Variants in REV3L observed in about 807,000 individuals in gnomAD.
REV3L encodes the protein REV3 like, DNA directed polymerase zeta catalytic subunit.
A neutral mutation model predicts 299.4 loss-of-function variants in REV3L; 69 were observed. The ratio of observed to expected loss-of-function variants is 0.23; its 90% confidence interval spans 0.19 to 0.28. The LOEUF (loss-of-function observed/expected upper bound fraction) is 0.28, where lower values mean the gene tolerates loss of function less well. Among genes scored for constraint, REV3L ranks in the 10% least tolerant of loss-of-function variants. The pLI is 1.00. For missense variants in REV3L, 3,128 were observed against 3,693.8 expected (o/e 0.85, Z 3.97); for synonymous variants, 1,238 against 1,271.4 (o/e 0.97, Z 0.56).
rs1445910665 is a variant in REV3L at position 111,482,933 on chromosome 6, G to A, written c.-45C>T. 7.4e-6 allele frequency: 11 copies of A among 1,482,884 alleles called. No individual in the cohort carries two copies. The highest frequency in any genetic ancestry group is 8.9e-7 in the Non-Finnish European group (1 of 1,126,810). 91.9% of individuals were successfully genotyped at this position (1,482,884 alleles called of 1,614,324 possible). A position where few individuals can be genotyped will look rare whatever the true frequency, so the allele number is the denominator to read the frequency against. Reference sequence around the variant, plus strand: ...GCCTCCCTTCACTGGCGACCCGGCAGCGGCAGCAGCAGCGGCGGCGGCTCC... The same window carrying A: ...GCCTCCCTTCACTGGCGACCCGGCAACGGCAGCAGCAGCGGCGGCGGCTCC... On this transcript the variant is annotated 5_prime_UTR_variant, in exon 1 of 32. Transcript: ENST00000368802.
intron 31 of REV3L, among the ~76,000 whole-genome samples, chr6:111,305,192 C>A (rs966057328): frequency 1.3e-5 from 2 of 152,044 alleles, no homozygotes; most frequent in Non-Finnish European, 2.9e-5. Flanking sequence ...CCGCCCGCCT[C>A]GGCCTCCGAA....
chr6:111,468,263 T>TAATCACATTTA (rs1249380353), intron 1 of REV3L, among the ~76,000 whole-genome samples: 12 of 152,300 alleles, frequency 7.9e-5, no homozygotes, highest in African/African-American at 2.6e-4. Context: ...CATCTAAATG[T>TAATCACATTTA]GATTTAAAAG....
chr6:111,360,468 A>ATTTTT (rs1362929978), intron 16 of REV3L, among the ~76,000 whole-genome samples: 2 of 133,452 alleles, frequency 1.5e-5, no homozygotes. Context: ...TTGTTAAATA[A>ATTTTT]TCTTTTTTTT....
intron 25 of REV3L, among the ~76,000 whole-genome samples, chr6:111,328,121 C>T (rs1388660303): frequency 1.3e-5 from 2 of 152,122 alleles, no homozygotes; most frequent in Non-Finnish European, 2.9e-5. Flanking sequence ...AACACCTTAA[C>T]TTAGTAAATA....
At chr6:111,358,590 T>G (rs1778333994) in intron 17 of REV3L, among the ~76,000 whole-genome samples, 1 of 152,118 alleles carries the variant, frequency 6.6e-6, no homozygotes. Context: ...GCCTCCCAGG[T>G]AGCTGGGACT....
chr6:111,420,348 A>T (rs1409327579), intron 1 of REV3L, among the ~76,000 whole-genome samples: 1 of 152,196 alleles, frequency 6.6e-6, no homozygotes, highest in Admixed American at 6.5e-5. Context: ...ATCACTTCAC[A>T]TACTTATTAT....
intron 1 of REV3L, among the ~76,000 whole-genome samples, chr6:111,464,788 G>A (rs1791226106): frequency 6.6e-6 from 1 of 152,134 alleles, no homozygotes; most frequent in Admixed American, 6.5e-5. Flanking sequence ...GACTTCCTGA[G>A]CTCAGGAGTT....
chr6:111,307,408 T>G lies in REV3L; in HGVS notation c.9205A>C (p.Asn3069His), dbSNP rs765276756. ...CGTTCCAACTCCCGGATTTCTTGGTTGAGGATGACTGCAACATGCTGAGGT... is the reference window on the plus strand; with the variant it reads ...CGTTCCAACTCCCGGATTTCTTGGTGGAGGATGACTGCAACATGCTGAGGT... Reference protein sequence around the residue: ...SQPQHVAVILNQEIRELERQQ... With the variant: ...SQPQHVAVILHQEIRELERQQ... Residue 3069 changes from asparagine to histidine, a missense_variant, in exon 31 of 32, where the codon AAC becomes CAC. Asn to His is a moderately conservative substitution (Grantham distance 68). Around this residue, in one of 9 missense-constraint regions of REV3L, gnomAD observed 294 missense variants for 377.0 expected, o/e 0.78. Transcript: ENST00000368802. The G allele has an allele frequency of 3.7e-6, 6 of 1,614,064 alleles. No individual in the cohort carries two copies. In the Admixed American group the frequency reaches 1.0e-4, roughly 27 times the overall value.
chr6:111,364,547 TA>T, intron 15 of REV3L, among the ~76,000 whole-genome samples: 2 of 152,038 alleles, frequency 1.3e-5, no homozygotes, highest in Middle Eastern at 6.9e-3. Context: ...AACACACTGA[TA>T]TAGTATTTTT....
Position 111,311,809 on chromosome 6 carries a change from A to AT in REV3L, c.8605-551dup, listed in dbSNP as rs34291181. 744 of 143,294 alleles carry AT rather than the reference A, an allele frequency of 5.2e-3. 5 individuals carry two copies. The highest frequency in any genetic ancestry group is 6.1e-3 in the Non-Finnish European group (397 of 65,012). The allele number at this position is 143,294 out of a possible 1,614,324, so 8.9% of individuals were successfully genotyped here. On this transcript the variant is annotated intron_variant, in intron 28 of 31. Coordinates refer to ENST00000368802, the MANE Select transcript of REV3L (RefSeq NM_001372078.1). ...CATGCAGTGGATTTATGTAAGATTA[A>AT]TTTTTTTTTTTTTTTTGAGACGGAG... is the stretch of plus-strand genomic sequence containing the variant.
chr6:111,444,032 A>G (rs2128310575), intron 1 of REV3L, among the ~76,000 whole-genome samples: 1 of 152,348 alleles, frequency 6.6e-6, no homozygotes, highest in East Asian at 1.9e-4. Context: ...CATTCCCTCT[A>G]TAAAATATGG....
At position 111,300,163 on chromosome 6, in the gene REV3L, G is replaced by A. The variant is rs773261308; in HGVS notation, c.9253-7C>T. The stretch of plus-strand genomic sequence containing the variant: ...CTGTACAGTTCTTGCATATCTGAAA[G>A]CATAAGAGAAATACAAAAAATAATA... On this transcript the variant is annotated splice_polypyrimidine_tract_variant and splice_region_variant and intron_variant, in intron 31 of 31. Coordinates refer to ENST00000368802, the MANE Select transcript of REV3L (RefSeq NM_001372078.1). 2.5e-5 allele frequency: 39 copies of A among 1,552,414 alleles called. No homozygotes were observed. Among genetic ancestry groups the A allele is most frequent in the Non-Finnish European group, 3.1e-5 (36 of 1,154,624 alleles).
Position 111,367,489 on chromosome 6 carries a change from G to T in REV3L, c.6299C>A (p.Ala2100Glu). The part of the protein sequence containing the change: ...ESQMLPPVAS[A>E]SDPEKDEDDD... Reference sequence around the variant, plus strand: ...ATCTTCATCTTTTTCGGGATCACTTGCAGAGGCAACTGGTGGCAGCATCTG... The same window carrying T: ...ATCTTCATCTTTTTCGGGATCACTTTCAGAGGCAACTGGTGGCAGCATCTG... The change falls in exon 14 of 32, where the codon GCA becomes GAA. Residue 2100 changes from alanine to glutamate, a missense_variant. By Grantham distance (107) the Ala-to-Glu change is moderately radical (BLOSUM62 -1). Around this residue, in one of 9 missense-constraint regions of REV3L, gnomAD observed 2,409 missense variants for 2,611.8 expected, o/e 0.92. Transcript: ENST00000368802. 1 of 1,609,184 alleles carries T rather than the reference G, an allele frequency of 6.2e-7. No homozygotes were observed. The highest frequency in any genetic ancestry group is 8.5e-7 in the Non-Finnish European group (1 of 1,176,296).
intron 1 of REV3L, among the ~76,000 whole-genome samples, chr6:111,424,171 G>A (rs888830162): frequency 1.3e-5 from 2 of 152,142 alleles, no homozygotes; most frequent in Non-Finnish European, 2.9e-5. Context: ...GCCCTGAGAG[G>A]GCTACCAGGC....
intron 13 of REV3L, among the ~76,000 whole-genome samples, chr6:111,369,101 G>C (rs1779515655): frequency 6.6e-6 from 1 of 152,058 alleles, no homozygotes; most frequent in African/African-American, 2.4e-5. Flanking sequence ...CACATACCAA[G>C]TGACCATACC....
intron 1 of REV3L, among the ~76,000 whole-genome samples, chr6:111,468,173 T>C (rs1791734560): frequency 6.6e-6 from 1 of 152,146 alleles, no homozygotes; most frequent in African/African-American, 2.4e-5. Flanking sequence ...ATCCAGAGTT[T>C]TAAAAAGTTC....
At chr6:111,333,817 GATAT>G (rs1775640979) in intron 22 of REV3L, among the ~76,000 whole-genome samples, 2 of 152,050 alleles carry the variant, frequency 1.3e-5, no homozygotes, top group Non-Finnish European at 2.9e-5. Context: ...TGCGAAAAGG[GATAT>G]ATGTAAATCC....
intron 1 of REV3L, among the ~76,000 whole-genome samples, chr6:111,428,425 A>G (rs922715790): frequency 1.3e-5 from 2 of 152,198 alleles, no homozygotes; most frequent in African/African-American, 4.8e-5. Context: ...GAACAGAAAA[A>G]TTCATTAGAT....
intron 19 of REV3L, among the ~76,000 whole-genome samples, chr6:111,350,292 A>G (rs1230584750): frequency 6.6e-6 from 1 of 152,128 alleles, no homozygotes; most frequent in East Asian, 1.9e-4. Flanking sequence ...CACTCACCCA[A>G]TTCTTTTTAT....
Sources: allele counts gnomAD v4.1 joint callset (sites outside exome capture counted in the v4.1 genomes callset), GRCh38; gene constraint gnomAD v4.1.1; regional missense constraint gnomAD v4.1.1; transcripts MANE v1.5; gene names NCBI Gene and HGNC (gene_info 2026-07-23, HGNC 2026-07-21).